CNTNAP3: variants seen among roughly 807,000 people sequenced by gnomAD.
CNTNAP3 encodes contactin associated protein family member 3, also known as contactin-associated protein-like 3.
CNTNAP3 carries 36 observed loss-of-function variants against 92.1 expected under a neutral mutation model. The ratio of observed to expected loss-of-function variants is 0.39; its 90% CI spans 0.30 to 0.52. The LOEUF (loss-of-function observed/expected upper bound fraction) is 0.52, where lower values mean the gene tolerates loss of function less well. Ranked by LOEUF, CNTNAP3 falls within the 20% of genes least tolerant of loss-of-function variation. CNTNAP3 has a pLI of 0.76. For missense variants in CNTNAP3, 534 were observed against 1,069.6 expected, an observed-to-expected ratio of 0.50 and a Z score of 6.98; for synonymous variants, 232 against 422.3, an observed-to-expected ratio of 0.55 and a Z score of 5.53.
In CNTNAP3 at chr9:39,065,805, T is replaced by C. The variant is rs1241449859; in HGVS notation, c.*8085A>G. ...CTTATATTCATTATTTTCATTTTAT[T>C]TTTGCTAATTATTGAGTTGTTAAGA... On this transcript the variant is annotated 3_prime_UTR_variant, in exon 24 of 24. Transcript: ENST00000297668. Among the ~76,000 whole-genome samples, 1 of 152,218 alleles carries C rather than the reference T, an allele frequency of 6.6e-6. No homozygotes were observed. Among genetic ancestry groups the C allele is most frequent in the Non-Finnish European group, 1.5e-5 (1 of 68,030 alleles).
rs1249094506 is a variant in CNTNAP3 at position 39,150,149 on chromosome 9, TTAAGA to T, written c.1478-177_1478-173del. On this transcript the variant is annotated intron_variant, in intron 9 of 23. Coordinates refer to ENST00000297668, the MANE Select transcript of CNTNAP3 (RefSeq NM_033655.5). ...GGGGCAAGGTTAGAACTGATCAAAT[TTAAGA>T]TAATACCTGGAATTCAGAATAAGAA... 3.3e-5 allele frequency among the ~76,000 whole-genome samples: 5 copies of T among 152,080 alleles called. No homozygotes were observed. The South Asian group carries it at 8.3e-4, about 25-fold the overall frequency.
rs72721583 is a variant in CNTNAP3, at chr9:39,103,778, C to G, written c.2502G>C (p.Leu834=). Residue 834 remains leucine, a synonymous_variant, in exon 16 of 24, where the codon CTG becomes CTC. Coordinates refer to ENST00000297668, the MANE Select transcript of CNTNAP3 (RefSeq NM_033655.5). ...TVSSGVFMEN[L]GITDFIRIEL... ...CAATCCTGATGAAATCTGTGATCCC[C>G]AGGTTCTCCATAAACACCCCGGAGG... 60,852 of 1,610,748 alleles carry G rather than the reference C, an allele frequency of 0.038. 1,226 individuals are homozygous for G. The highest frequency in any genetic ancestry group is 0.086 in the Admixed American group (5,130 of 59,958).
intron 20 of CNTNAP3, 49 bp downstream of exon 20, chr9:39,086,666 TC>T: frequency 6.4e-7 from 1 of 1,574,096 alleles, no homozygotes; most frequent in African/African-American, 1.4e-5. Flanking sequence ...GATTATTTGT[TC>T]TTAAAATAAT....
intron 4 of CNTNAP3, among the ~76,000 whole-genome samples, chr9:39,180,799 A>ATTCT (rs1822430578): frequency 6.7e-6 from 1 of 149,950 alleles, no homozygotes; most frequent in African/African-American, 2.4e-5. Context: ...TCCCTCTTGA[A>ATTCT]TAAGATCCTC....
chr9:39,102,856 G>A (rs533781936), intron 16 of CNTNAP3, 141 bp from the exon 17 acceptor site: 455 of 1,190,082 alleles, frequency 3.8e-4, no homozygotes, highest in Middle Eastern at 1.1e-3. Context: ...GTGAGTTGGG[G>A]TGGGGGCAGA....
intron 14 of CNTNAP3, among the ~76,000 whole-genome samples, chr9:39,115,082 G>C (rs1258569165): frequency 6.6e-6 from 1 of 151,560 alleles, no homozygotes; most frequent in South Asian, 2.1e-4. Context: ...CTGTGCCTGA[G>C]GAACTGTCTG....
chr9:39,117,989 G>C, intron 14 of CNTNAP3, 114 bp downstream of exon 14: 2 of 1,574,670 alleles, frequency 1.3e-6, no homozygotes, highest in Non-Finnish European at 1.7e-6. Context: ...ATTTCAGCTT[G>C]CTTGAACATA....
intron 9 of CNTNAP3, among the ~76,000 whole-genome samples, chr9:39,152,438 A>G (rs1023683780): frequency 6.9e-6 from 1 of 144,402 alleles, no homozygotes; most frequent in African/African-American, 2.6e-5. Context: ...CAAAAGAAAT[A>G]TAAGTTTAAA....
chr9:39,065,385 T>A lies in CNTNAP3; in HGVS notation c.*8505A>T, dbSNP rs1221734329. Among the ~76,000 whole-genome samples, 53 of 151,856 alleles carry A rather than the reference T, an allele frequency of 3.5e-4. No individual in the cohort carries two copies. Among genetic ancestry groups the A allele is most frequent in the Middle Eastern group, 3.4e-3 (1 of 290 alleles). On this transcript the variant is annotated 3_prime_UTR_variant, in exon 24 of 24. Transcript: ENST00000297668. ...TGTTTGTCCATTTTCTTGTTGAAGG[T>A]CTTTTAGGCAGTTTACAGTTTGGGG...
chr9:39,109,121 G>A, intron 15 of CNTNAP3, 39 bp downstream of exon 15: 4 of 1,593,314 alleles, frequency 2.5e-6, no homozygotes, highest in Non-Finnish European at 3.4e-6. Flanking sequence ...ACCAAAAAAA[G>A]TTATTATGAA....
At chr9:39,144,030 T>C (rs569230771) in intron 11 of CNTNAP3, among the ~76,000 whole-genome samples, 1 of 152,354 alleles carries the variant, frequency 6.6e-6, no homozygotes, top group East Asian at 1.9e-4. Flanking sequence ...GTTTCTTTTT[T>C]TCAATCCTAT....
Position 39,067,900 on chromosome 9 carries a change from G to A in CNTNAP3, c.*5990C>T, listed in dbSNP as rs1825544722. On this transcript the variant is annotated 3_prime_UTR_variant, in exon 24 of 24. Transcript: ENST00000297668. ...TCTACCTAATGCCCTATTAATTATG[G>A]GGATTTCTGGTATAGCCCATGGCAA... Among the ~76,000 whole-genome samples, 1 of 152,306 alleles carries A rather than the reference G, an allele frequency of 6.6e-6. No individual in the cohort carries two copies. Among genetic ancestry groups the A allele is most frequent in the African/African-American group, 2.4e-5 (1 of 41,486 alleles).
intron 15 of CNTNAP3, among the ~76,000 whole-genome samples, chr9:39,107,045 A>G (rs1201673101): frequency 6.6e-6 from 1 of 152,138 alleles, no homozygotes; most frequent in East Asian, 1.9e-4. Context: ...AGAAGGGACA[A>G]GAAGTATGTG....
chr9:39,174,391 T>G, intron 7 of CNTNAP3: 4 of 635,312 alleles, frequency 6.3e-6, no homozygotes, highest in Non-Finnish European at 1.2e-5. Flanking sequence ...TTTTTTTTTT[T>G]CTCCTTTACC....
At chr9:39,117,561 G>T (rs892086699) in intron 14 of CNTNAP3, among the ~76,000 whole-genome samples, 10 of 152,148 alleles carry the variant, frequency 6.6e-5, no homozygotes, top group African/African-American at 2.4e-4. Flanking sequence ...TCAAAGTATG[G>T]TCTACAGAAC....
In CNTNAP3 at chr9:39,068,359, T is replaced by C. The variant is rs1183489387; in HGVS notation, c.*5531A>G. 6.6e-6 allele frequency among the ~76,000 whole-genome samples: 1 copy of C among 152,308 alleles called. No individual in the cohort carries two copies. Among genetic ancestry groups the C allele is most frequent in the African/African-American group, 2.4e-5 (1 of 41,484 alleles). The stretch of plus-strand genomic sequence containing the variant: ...TGAACCCTGGAGGCGGAGCTTGCAG[T>C]GAGCCAGGATCGCGCCACTGCACTC... On this transcript the variant is annotated 3_prime_UTR_variant, in exon 24 of 24. Coordinates refer to ENST00000297668, the MANE Select transcript of CNTNAP3 (RefSeq NM_033655.5).
intron 9 of CNTNAP3, 143 bp from the exon 10 acceptor site, chr9:39,150,120 A>T: frequency 1.6e-6 from 1 of 624,544 alleles, no homozygotes; most frequent in South Asian, 2.0e-5. Flanking sequence ...TAGAGAGGTG[A>T]GAAGGGGCAA....
At position 39,068,798 on chromosome 9, in the gene CNTNAP3, T is replaced by G. The variant is rs1203877502; in HGVS notation, c.*5092A>C. Among the ~76,000 whole-genome samples, 1 of 152,306 alleles carries G rather than the reference T, an allele frequency of 6.6e-6. No homozygotes were observed. Among genetic ancestry groups the G allele is most frequent in the African/African-American group, 2.4e-5 (1 of 41,482 alleles). The stretch of plus-strand genomic sequence containing the variant: ...TGCTGTCTCAAATTCTCTCAAGTTG[T>G]AAGCTGGGATACTCACAGCACACAT... On this transcript the variant is annotated 3_prime_UTR_variant, in exon 24 of 24. Coordinates refer to ENST00000297668, the MANE Select transcript of CNTNAP3 (RefSeq NM_033655.5).
Position 39,068,791 on chromosome 9 carries a change from C to T in CNTNAP3, c.*5099G>A, listed in dbSNP as rs1390359666. On this transcript the variant is annotated 3_prime_UTR_variant, in exon 24 of 24. Transcript: ENST00000297668. ...TTGTCACTGCTGTCTCAAATTCTCTCAAGTTGTAAGCTGGGATACTCACAG... is the reference window on the plus strand; with the variant it reads ...TTGTCACTGCTGTCTCAAATTCTCTTAAGTTGTAAGCTGGGATACTCACAG... Among the ~76,000 whole-genome samples, 5 of 152,382 alleles carry T rather than the reference C, an allele frequency of 3.3e-5. No individual in the cohort carries two copies. Among genetic ancestry groups the T allele is most frequent in the East Asian group, 1.9e-4 (1 of 5,196 alleles).
Sources: gnomAD v4.1 joint callset for allele counts (sites outside exome capture counted in the v4.1 genomes callset) on GRCh38, gnomAD v4.1.1 for gene constraint, MANE v1.5 for transcripts, NCBI Gene and HGNC (gene_info 2026-07-23, HGNC 2026-07-21) for gene names.